Variants in OCA2 observed in about 807,000 individuals in gnomAD.
OCA2 encodes P protein.
OCA2 carries 77 observed loss-of-function variants against 100.2 expected under a neutral mutation model. The observed-to-expected ratio is 0.77, with a 90% CI of 0.64 to 0.93. The LOEUF (loss-of-function observed/expected upper bound fraction) is 0.93, where lower values mean the gene tolerates loss of function less well. OCA2 is among the 40% of genes least tolerant of loss of function. OCA2 has a pLI of 0.00. For synonymous variants in OCA2, 432 were observed against 439.2 expected (o/e 0.98, Z 0.21); for missense variants, 1,062 against 1,089.1 (o/e 0.98, Z 0.35).
At chr15:27,731,624 A>G in the OCA2 span, among the ~76,000 whole-genome samples, 2 of 152,236 alleles carry the variant, frequency 1.3e-5, no homozygotes. Flanking sequence ...GAAACATTAT[A>G]CTTTCATTCT....
At chr15:27,960,220 T>C (rs2040363674) in intron 15 of OCA2, among the ~76,000 whole-genome samples, 1 of 152,238 alleles carries the variant, frequency 6.6e-6, no homozygotes. Flanking sequence ...AAGACTGAAA[T>C]GTCATCCTGG....
In OCA2 at chr15:27,776,960, C is replaced by A. The variant is rs538447921; in HGVS notation, c.2433-21488G>T. ...GCAGACCTACAGGCAAGTGTGGCGG[C>A]GGGGAGCGTGAGGTGGGGGGGGGTG... On this transcript the variant is annotated intron_variant, in intron 23 of 23. Coordinates refer to ENST00000354638, the MANE Select transcript of OCA2 (RefSeq NM_000275.3). Among the ~76,000 whole-genome samples, 31 of 15,944 alleles carry A rather than the reference C, an allele frequency of 1.9e-3. No homozygotes were observed. The South Asian group carries it at 0.051, about 26-fold the overall frequency. The allele number at this position is 15,944 out of a possible 152,430, so 10.5% of individuals were successfully genotyped here.
At chr15:27,737,167 C>T in the OCA2 span, among the ~76,000 whole-genome samples, 3 of 152,184 alleles carry the variant, frequency 2.0e-5, no homozygotes, top group Admixed American at 1.3e-4. Context: ...CCCCACAGAA[C>T]TTCTACAAAT....
At chr15:27,794,961 T>C (rs995285306) in intron 23 of OCA2, among the ~76,000 whole-genome samples, 1 of 152,242 alleles carries the variant, frequency 6.6e-6, no homozygotes, top group African/African-American at 2.4e-5. Flanking sequence ...GTAGTTCAGA[T>C]GTCAGATTTA....
At chr15:27,896,402 G>A (rs574848195) in intron 19 of OCA2, 2 of 726,642 alleles carry the variant, frequency 2.8e-6, no homozygotes, top group Admixed American at 1.8e-5. Flanking sequence ...ACATGATGGA[G>A]GAGATGTAAA....
intron 23 of OCA2, among the ~76,000 whole-genome samples, chr15:27,762,213 A>G (rs2030896184): frequency 6.6e-6 from 1 of 152,052 alleles, no homozygotes; most frequent in Non-Finnish European, 1.5e-5. Context: ...TGAGTCTACA[A>G]TGTCTATTAT....
intron 9 of OCA2, among the ~76,000 whole-genome samples, chr15:28,004,694 TCA>T (rs975146237): frequency 1.3e-5 from 2 of 151,388 alleles, no homozygotes; most frequent in African/African-American, 4.9e-5. Context: ...ACACGCTGAC[TCA>T]CACACTAACT....
At chr15:27,990,123 C>G (rs1595775506) in intron 10 of OCA2, among the ~76,000 whole-genome samples, 1 of 152,282 alleles carries the variant, frequency 6.6e-6, no homozygotes, top group African/African-American at 2.4e-5. Flanking sequence ...TCCCATGTCC[C>G]TGCCAGAGAG....
downstream of OCA2, among the ~76,000 whole-genome samples, chr15:27,751,001 A>G (rs1474990191): frequency 2.0e-5 from 3 of 152,184 alleles, no homozygotes; most frequent in Non-Finnish European, 4.4e-5. Context: ...TGCATTTGAG[A>G]AAGATCCTGC....
chr15:27,935,186 C>T (rs957188386), intron 18 of OCA2, among the ~76,000 whole-genome samples: 2 of 152,122 alleles, frequency 1.3e-5, no homozygotes, highest in African/African-American at 4.8e-5. Flanking sequence ...GACTCTTTTC[C>T]TAAAAATTAA....
chr15:28,014,945 A>G lies in OCA2; in HGVS notation c.891-16T>C. The G allele has an allele frequency of 6.2e-7, 1 of 1,613,988 alleles. No homozygotes were observed. The highest frequency in any genetic ancestry group is 8.5e-7 in the Non-Finnish European group (1 of 1,179,976). On this transcript the variant is annotated splice_polypyrimidine_tract_variant and intron_variant, in intron 8 of 23. Transcript: ENST00000354638. The stretch of plus-strand genomic sequence containing the variant: ...CACCGTCTCTCTGCAGAACGAAACA[A>G]CGACCTTACTGTTCACAAGGTCAAC...
At chr15:27,990,420 G>A (rs1204023607) in intron 10 of OCA2, among the ~76,000 whole-genome samples, 156 bp downstream of exon 10, 1 of 152,206 alleles carries the variant, frequency 6.6e-6, no homozygotes, top group African/African-American at 2.4e-5. Context: ...CAATGCTGTA[G>A]CTTGTTAGTT....
At chr15:27,896,867 T>C (rs1032435295) in intron 19 of OCA2, among the ~76,000 whole-genome samples, 2 of 151,468 alleles carry the variant, frequency 1.3e-5, no homozygotes, top group African/African-American at 2.4e-5. Context: ...CCCAAGACAA[T>C]GGGGAAAATG....
chr15:27,938,196 A>G (rs566358375), intron 18 of OCA2, among the ~76,000 whole-genome samples: 112 of 152,344 alleles, frequency 7.4e-4, no homozygotes, highest in African/African-American at 2.6e-3. Context: ...TGAACCTTAC[A>G]TAGATTAGGT....
At chr15:27,839,637 C>A (rs577887402) in intron 23 of OCA2, among the ~76,000 whole-genome samples, 73 of 151,758 alleles carry the variant, frequency 4.8e-4, no homozygotes, top group African/African-American at 1.8e-3. Flanking sequence ...ATGTATCCAC[C>A]AAATAACATA....
chr15:27,848,056 G>A (rs796417637), intron 22 of OCA2, among the ~76,000 whole-genome samples: 4 of 152,328 alleles, frequency 2.6e-5, no homozygotes, highest in African/African-American at 7.2e-5. Flanking sequence ...AGGAGGGAGC[G>A]GGACCCCTAT....
chr15:27,980,144 G>C (rs541510591), intron 14 of OCA2, among the ~76,000 whole-genome samples: 14 of 151,034 alleles, frequency 9.3e-5, no homozygotes, highest in South Asian at 4.2e-4. Context: ...TGTTTTTTGA[G>C]ACAGAGTCTC....
At chr15:27,787,068 A>G (rs918955078) in intron 23 of OCA2, among the ~76,000 whole-genome samples, 1 of 152,100 alleles carries the variant, frequency 6.6e-6, no homozygotes, top group African/African-American at 2.4e-5. Flanking sequence ...CCTTTATGCT[A>G]TTAAAAGGAA....
At chr15:27,980,484 A>G (rs925632495) in intron 14 of OCA2, among the ~76,000 whole-genome samples, 4 of 152,182 alleles carry the variant, frequency 2.6e-5, no homozygotes, top group African/African-American at 4.8e-5. Context: ...AGTATTCTTC[A>G]TGACTTTGTG....
Sources: gnomAD v4.1 joint callset for allele counts (sites outside exome capture counted in the v4.1 genomes callset) on GRCh38, gnomAD v4.1.1 for gene constraint, MANE v1.5 for transcripts, NCBI Gene and HGNC (gene_info 2026-07-23, HGNC 2026-07-21) for gene names.